SLCO4A1: variants seen among roughly 807,000 people sequenced by gnomAD.
SLCO4A1 encodes solute carrier organic anion transporter family member 4A1.
A neutral mutation model predicts 64.6 loss-of-function variants in SLCO4A1; 51 were observed. That is an observed-to-expected ratio of 0.79 (90% CI 0.63 to 1.00). SLCO4A1 has a LOEUF of 1.00. SLCO4A1 is among the 50% of genes least tolerant of loss of function. The pLI is 0.00. For synonymous variants in SLCO4A1, 471 were observed against 444.9 expected, an observed-to-expected ratio of 1.06 and a Z score of -0.74; for missense variants, 919 against 980.5, an observed-to-expected ratio of 0.94 and a Z score of 0.84.
At chr20:62,643,550 AG>A (rs1980787171) in intron 1 of SLCO4A1, among the ~76,000 whole-genome samples, 1 of 152,158 alleles carries the variant, frequency 6.6e-6, no homozygotes, top group African/African-American at 2.4e-5. Flanking sequence ...TTCTGTCTGG[AG>A]GCGGCTGGAA....
intron 1 of SLCO4A1, among the ~76,000 whole-genome samples, chr20:62,655,751 G>A (rs1284181617): frequency 6.6e-6 from 1 of 152,178 alleles, no homozygotes; most frequent in African/African-American, 2.4e-5. Context: ...GGCTCACGTG[G>A]CCCAGGAGGC....
chr20:62,667,078 C>T (rs776737659), intron 7 of SLCO4A1, among the ~76,000 whole-genome samples: 13 of 152,182 alleles, frequency 8.5e-5, no homozygotes, highest in South Asian at 6.2e-4. Flanking sequence ...CGTGCAAGGC[C>T]GAGAAGCACA....
rs1304788011 is a variant in SLCO4A1, at chr20:62,671,835, C to G, written c.2111C>G (p.Pro704Arg). 6.2e-7 allele frequency: 1 copy of G among 1,613,464 alleles called. No homozygotes were observed. Among genetic ancestry groups the G allele is most frequent in the Non-Finnish European group, 8.5e-7 (1 of 1,180,040 alleles). ...ESSDGLETCL[P>R]SQSSAPDSAT... ...TCAGATGGCCTGGAAACTTGTCTGC[C>G]CAGCCAGTCCTCAGCCCCTGACAGT... is the stretch of plus-strand genomic sequence containing the variant. The change falls in exon 12 of 12, where the codon CCC (proline) becomes CGC (arginine). Residue 704 changes from proline (P) to arginine (R), a missense_variant. Physicochemically the swap from Pro to Arg is moderately radical, Grantham distance 103 (BLOSUM62 -2). Coordinates refer to ENST00000217159, the MANE Select transcript of SLCO4A1 (RefSeq NM_016354.4).
At position 62,645,713 on chromosome 20, in the gene SLCO4A1, T is replaced by G. The variant is rs1981199191; in HGVS notation, c.-97+3160T>G. Among the ~76,000 whole-genome samples, 1 of 151,686 alleles carries G rather than the reference T, an allele frequency of 6.6e-6. No individual in the cohort carries two copies. The highest frequency in any genetic ancestry group is 6.6e-5 in the Admixed American group (1 of 15,252). ...CTCCCCACGTAGCCCAAGCGTAGGG[T>G]GAGACTTGGCACCAGTGGCTGGGGT... On this transcript the variant is annotated intron_variant, in intron 1 of 11. Transcript: ENST00000217159. This position sits in a 1 kb window ranked among gnomAD's most constrained non-coding sequence, Gnocchi z 4.2.
chr20:62,668,329 A>G (rs1569146083), intron 9 of SLCO4A1, 145 bp downstream of exon 9: 1 of 1,234,748 alleles, frequency 8.1e-7, no homozygotes, highest in African/African-American at 1.5e-5. Flanking sequence ...GAGAGACCTC[A>G]CTGTCTCTGA....
Position 62,656,710 on chromosome 20 carries a change from T to C in SLCO4A1, c.256T>C (p.Cys86Arg), listed in dbSNP as rs920496946. 4.3e-6 allele frequency: 7 copies of C among 1,610,498 alleles called. No homozygotes were observed. The African/African-American group carries it at 9.4e-5, about 22-fold the overall frequency. Residue 86 changes from cysteine (C) to arginine (R), a missense_variant, in exon 2 of 12, where the codon TGC becomes CGC. Cys to Arg is a radical substitution (Grantham distance 180). Transcript: ENST00000217159. ...CGTCTCGGCCGGGCAGAGCGTGGCG[T>C]GCGGCTGGTGGGCCTTCGCACCGCC... ...RYVSAGQSVA[C>R]GWWAFAPPCL...
intron 11 of SLCO4A1, among the ~76,000 whole-genome samples, chr20:62,671,503 C>G (rs889864541): frequency 2.0e-5 from 3 of 152,380 alleles, no homozygotes; most frequent in Middle Eastern, 3.4e-3. Flanking sequence ...CAACCCATGA[C>G]AAGCCCCTCA....
chr20:62,660,546 TC>T lies in SLCO4A1; in HGVS notation c.1009+17del. ...CGGCAGCTGCCAGGTGGGTTTCCCT[TC>T]CCCAGCCCAGCCTTCACATTGGGAG... is the stretch of plus-strand genomic sequence containing the variant. On this transcript the variant is annotated intron_variant, in intron 4 of 11. Transcript: ENST00000217159. 1 of 1,603,734 alleles carries T rather than the reference TC, an allele frequency of 6.2e-7. No homozygotes were observed. Among genetic ancestry groups the T allele is most frequent in the Non-Finnish European group, 8.5e-7 (1 of 1,179,790 alleles).
In SLCO4A1 at chr20:62,667,742, C is replaced by T. The variant is rs776820711; in HGVS notation, c.1473-3C>T. 1.2e-5 allele frequency: 20 copies of T among 1,605,194 alleles called. No homozygotes were observed. The highest frequency in any genetic ancestry group is 1.7e-5 in the Non-Finnish European group (20 of 1,175,602). On this transcript the variant is annotated splice_polypyrimidine_tract_variant and splice_region_variant and intron_variant, in intron 7 of 11. Coordinates refer to ENST00000217159, the MANE Select transcript of SLCO4A1 (RefSeq NM_016354.4). ...CTACCACTCGCTTGTCCCCCCTCTG[C>T]AGCCTCCTGCCCGAAGGCCACCTGA...
intron 2 of SLCO4A1, among the ~76,000 whole-genome samples, chr20:62,678,634 C>T (rs981237219): frequency 4.6e-5 from 7 of 150,846 alleles, no homozygotes; most frequent in Admixed American, 2.0e-4. Flanking sequence ...CGGGTTCAAG[C>T]GAATTTTCAC....
rs1569149857 is a variant in SLCO4A1, at chr20:62,671,270, G to A, written c.2026-480G>A. 3.3e-5 allele frequency among the ~76,000 whole-genome samples: 5 copies of A among 152,338 alleles called. No individual in the cohort carries two copies. In the East Asian group the frequency reaches 5.8e-4, roughly 18 times the overall value. On this transcript the variant is annotated intron_variant, in intron 11 of 11. Transcript: ENST00000217159. ...GCAGAACCAGATTCGCTTGCAGGTG[G>A]GGGCAGGGCGGGCTCCTTCCGCCGC...
At chr20:62,650,044 C>T (rs528510239) in intron 1 of SLCO4A1, 1 of 152,278 alleles carries the variant, frequency 6.6e-6, no homozygotes, top group South Asian at 2.1e-4. Flanking sequence ...AAGCTGCTGC[C>T]TTTTCCGGGG....
chr20:62,661,041 C>CCCCCCCCCCCCCCCCCACAAA lies in SLCO4A1; in HGVS notation c.1010-23_1010-22insCCCCCCCCCCCCCCCCACAAA. On this transcript the variant is annotated intron_variant, in intron 4 of 11. Coordinates refer to ENST00000217159, the MANE Select transcript of SLCO4A1 (RefSeq NM_016354.4). The surrounding 1 kb of genome is among the most constrained non-coding windows in gnomAD (Gnocchi z 5.2). ...TCCGGGAGCCCCCAGCCCCCAGCCC[C>CCCCCCCCCCCCCCCCCACAAA]AGCTCACTCTGTGCCCTTCCAGGCT... 7.0e-7 allele frequency: 1 copy of CCCCCCCCCCCCCCCCCACAAA among 1,424,144 alleles called. No individual in the cohort carries two copies. Among genetic ancestry groups the CCCCCCCCCCCCCCCCCACAAA allele is most frequent in the Non-Finnish European group, 9.9e-7 (1 of 1,010,142 alleles). 88.2% of individuals were successfully genotyped at this position (1,424,144 alleles called of 1,614,324 possible). A position where few individuals can be genotyped will look rare whatever the true frequency, so the allele number is the denominator to read the frequency against.
chr20:62,688,290 C>T (rs557059167), downstream of SLCO4A1, among the ~76,000 whole-genome samples: 3 of 152,128 alleles, frequency 2.0e-5, no homozygotes, highest in African/African-American at 7.2e-5. Context: ...CTGCCCGCGG[C>T]CCCCCACGAG....
At position 62,657,237 on chromosome 20, in the gene SLCO4A1, G is replaced by A. The variant is rs1241899514; in HGVS notation, c.783G>A (p.Ser261=). The change falls in exon 2 of 12, where the codon TCG becomes TCA. Residue 261 remains serine, a synonymous_variant. Coordinates refer to ENST00000217159, the MANE Select transcript of SLCO4A1 (RefSeq NM_016354.4). ...YLDENVKSSC[S]PVYIAIFYTA... ...ATGAGAACGTCAAGTCCAGCTGCTC[G>A]CCCGTCTACATTGGTGAGTGGGGCT... 5 of 1,531,564 alleles carry A rather than the reference G, an allele frequency of 3.3e-6. No homozygotes were observed. The highest frequency in any genetic ancestry group is 2.5e-5 in the East Asian group (1 of 40,464). The allele number at this position is 1,531,564 out of a possible 1,614,324, so 94.9% of individuals were successfully genotyped here. A position where few individuals can be genotyped will look rare whatever the true frequency, so the allele number is the denominator to read the frequency against.
At chr20:62,672,436 T>A, downstream of SLCO4A1, 1 of 252,062 alleles carries the variant, frequency 4.0e-6, no homozygotes, top group Non-Finnish European at 6.4e-6. Context: ...CCCCCGTAAG[T>A]CGGCCTTCCT....
intron 9 of SLCO4A1, 21 bp downstream of exon 9, chr20:62,668,205 C>A: frequency 6.2e-7 from 1 of 1,613,108 alleles, no homozygotes; most frequent in East Asian, 2.2e-5. Flanking sequence ...GTCGGGTGTG[C>A]GCTTGTCCAG....
At chr20:62,677,040 C>A (rs1053697017), downstream of SLCO4A1, among the ~76,000 whole-genome samples, 11 of 152,342 alleles carry the variant, frequency 7.2e-5, no homozygotes, top group African/African-American at 2.4e-4. Context: ...AAGCCAGACA[C>A]AAAAGGCCAC....
At chr20:62,675,712 T>G (rs1429413621), downstream of SLCO4A1, among the ~76,000 whole-genome samples, 5 of 152,114 alleles carry the variant, frequency 3.3e-5, no homozygotes, top group African/African-American at 1.2e-4. Flanking sequence ...GCCCCCCGCT[T>G]CTCCGGGATC....
Sources: gnomAD v4.1 joint callset for allele counts (sites outside exome capture counted in the v4.1 genomes callset) on GRCh38, gnomAD v4.1.1 for gene constraint, Gnocchi (gnomAD v3.1) non-coding constraint, MANE v1.5 for transcripts, NCBI Gene and HGNC (gene_info 2026-07-23, HGNC 2026-07-21) for gene names.